The following PLEKHA3 variants were observed in gnomAD, a reference collection of about 807,000 sequenced individuals.
PLEKHA3 encodes pleckstrin homology domain containing A3.
PLEKHA3 carries 19 observed loss-of-function variants against 39.2 expected under a neutral mutation model. The ratio of observed to expected loss-of-function variants is 0.48; its 90% confidence interval spans 0.34 to 0.71. PLEKHA3 has a LOEUF of 0.71. PLEKHA3 is among the 30% of genes least tolerant of loss of function. PLEKHA3 has a pLI of 0.01. For synonymous variants in PLEKHA3, 97 were observed against 118.6 expected, an observed-to-expected ratio of 0.82 and a Z score of 1.18; for missense variants, 253 against 359.5, an observed-to-expected ratio of 0.70 and a Z score of 2.40.
Position 178,514,878 on chromosome 2 carries a change from G to A in PLEKHA3, c.*10991G>A, listed in dbSNP as rs1431549901. 4.6e-5 allele frequency: 7 copies of A among 151,988 alleles called. No homozygotes were observed. The highest frequency in any genetic ancestry group is 7.3e-5 in the African/African-American group (3 of 41,360). The allele number at this position is 151,988 out of a possible 1,614,324, so 9.4% of individuals were successfully genotyped here. On this transcript the variant is annotated 3_prime_UTR_variant, in exon 8 of 8. Transcript: ENST00000234453. ...CCCTCCATTCTCCTTGCCATATTTG[G>A]TTAATCTAGGCCATGACCTTTGAGG... is the stretch of plus-strand genomic sequence containing the variant.
chr2:178,495,981 T>C (rs1685437952), intron 5 of PLEKHA3, among the ~76,000 whole-genome samples: 1 of 152,186 alleles, frequency 6.6e-6, no homozygotes. Context: ...AGCTCTATTC[T>C]GCTTGGTAAG....
rs1685631466 is a variant in PLEKHA3, at chr2:178,508,053, GT to G, written c.*4167del. 343 of 12,478 alleles carry G rather than the reference GT, an allele frequency of 0.027. No individual in the cohort carries two copies. Among genetic ancestry groups the G allele is most frequent in the Middle Eastern group, 0.25 (2 of 8 alleles). The allele number at this position is 12,478 out of a possible 1,614,324, so 0.8% of individuals were successfully genotyped here. A position where few individuals can be genotyped will look rare whatever the true frequency, so the allele number is the denominator to read the frequency against. ...AGATTTGTCTGCTTCAGTTCTGGGTGTGTGTGTGTGTGTGTGTGTGTGTGTG... is the reference window on the plus strand; with the variant it reads ...AGATTTGTCTGCTTCAGTTCTGGGTGGTGTGTGTGTGTGTGTGTGTGTGTG... On this transcript the variant is annotated 3_prime_UTR_variant, in exon 8 of 8. Transcript: ENST00000234453.
intron 6 of PLEKHA3, among the ~76,000 whole-genome samples, chr2:178,499,932 TTAC>T (rs1027467168): frequency 8.5e-5 from 13 of 152,164 alleles, no homozygotes; most frequent in African/African-American, 3.1e-4. Flanking sequence ...AGGGCTCATT[TTAC>T]CTCAGCTGTT....
intron 2 of PLEKHA3, among the ~76,000 whole-genome samples, chr2:178,487,897 T>C (rs1685276666): frequency 6.6e-6 from 1 of 152,234 alleles, no homozygotes; most frequent in Non-Finnish European, 1.5e-5. Context: ...TTCTGGTGTT[T>C]GTAGTGGTAT....
Position 178,504,060 on chromosome 2 carries a change from A to G in PLEKHA3, c.*173A>G, listed in dbSNP as rs562891059. On this transcript the variant is annotated 3_prime_UTR_variant, in exon 8 of 8. Coordinates refer to ENST00000234453, the MANE Select transcript of PLEKHA3 (RefSeq NM_019091.4). ...CTTTTGAAGTGTATTTTATCTTTAT[A>G]TAGTTTGTTTGCAAGAGTATTTTCC... 297 of 582,484 alleles carry G rather than the reference A, an allele frequency of 5.1e-4. 5 individuals are homozygous for G. In the South Asian group the frequency reaches 6.3e-3, roughly 12 times the overall value. The allele number at this position is 582,484 out of a possible 1,614,324, so 36.1% of individuals were successfully genotyped here.
chr2:178,495,036 G>T (rs997153710), intron 4 of PLEKHA3, among the ~76,000 whole-genome samples: 2 of 151,630 alleles, frequency 1.3e-5, no homozygotes, highest in East Asian at 3.9e-4. Flanking sequence ...GGCACTTTGC[G>T]ATCCTGAACA....
In PLEKHA3 at chr2:178,507,186, G is replaced by A. The variant is rs181028267; in HGVS notation, c.*3299G>A. On this transcript the variant is annotated 3_prime_UTR_variant, in exon 8 of 8. Coordinates refer to ENST00000234453, the MANE Select transcript of PLEKHA3 (RefSeq NM_019091.4). ...TTATCAATTTCAGAAACAGTTTCTC[G>A]AATACCTTTTATGGTAGACAGGATT... 422 of 152,014 alleles carry A rather than the reference G, an allele frequency of 2.8e-3. 1 individual carries two copies. Among genetic ancestry groups the A allele is most frequent in the African/African-American group, 9.7e-3 (401 of 41,454 alleles). 9.4% of individuals were successfully genotyped at this position (152,014 alleles called of 1,614,324 possible). A position where few individuals can be genotyped will look rare whatever the true frequency, so the allele number is the denominator to read the frequency against.
chr2:178,489,116 C>G (rs1685303738), intron 2 of PLEKHA3: 1 of 329,720 alleles, frequency 3.0e-6, no homozygotes, highest in African/African-American at 2.2e-5. Context: ...GGTGCTTTCA[C>G]TAGTATTGGC....
intron 1 of PLEKHA3, among the ~76,000 whole-genome samples, 165 bp from the exon 2 acceptor site, chr2:178,485,476 A>G (rs1181211397): frequency 6.6e-6 from 1 of 152,216 alleles, no homozygotes; most frequent in Non-Finnish European, 1.5e-5. Flanking sequence ...GTGGAGACTG[A>G]TGCAAAAACA....
chr2:178,490,513 C>T, intron 2 of PLEKHA3, 146 bp from the exon 3 acceptor site: 2 of 756,156 alleles, frequency 2.6e-6, no homozygotes, highest in Non-Finnish European at 2.0e-6. Context: ...GGTGGCCCCT[C>T]AGGGAGCAGC....
chr2:178,482,044 A>G (rs1257831610), intron 1 of PLEKHA3: 1 of 153,778 alleles, frequency 6.5e-6, no homozygotes, highest in African/African-American at 2.4e-5. Flanking sequence ...TTAGAATGCT[A>G]AAGCCAGATT....
chr2:178,503,953 T>C lies in PLEKHA3; in HGVS notation c.*66T>C, dbSNP rs766294898. 1.2e-4 allele frequency: 184 copies of C among 1,568,546 alleles called. No homozygotes were observed. The highest frequency in any genetic ancestry group is 1.7e-4 in the Middle Eastern group (1 of 5,868). ...AAAAGCTGCTGTAATTAAACTATTG[T>C]TATAGGGAGTAGTTTTTTCCCTTAG... On this transcript the variant is annotated 3_prime_UTR_variant, in exon 8 of 8. Transcript: ENST00000234453.
Position 178,497,964 on chromosome 2 carries a change from TATTTATTTATATGAAAAACTTAC to T in PLEKHA3, c.616-1228_616-1206del, listed in dbSNP as rs1685473510. Among the ~76,000 whole-genome samples, 4 of 152,098 alleles carry T rather than the reference TATTTATTTATATGAAAAACTTAC, an allele frequency of 2.6e-5. No individual in the cohort carries two copies. In the South Asian group the frequency reaches 8.3e-4, roughly 32 times the overall value. ...TGTTTTTTTTTTAAATAACATTGTT[TATTTATTTATATGAAAAACTTAC>T]ATTTATTTATATGAAAAATAAAGCT... On this transcript the variant is annotated intron_variant, in intron 5 of 7. Transcript: ENST00000234453.
chr2:178,480,911 T>C lies in PLEKHA3; in HGVS notation c.40+2T>C. On this transcript the variant is annotated splice_donor_variant, in intron 1 of 7. Coordinates refer to ENST00000234453, the MANE Select transcript of PLEKHA3 (RefSeq NM_019091.4). LOFTEE classifies it high-confidence loss of function. ...ACAAGTGGACCAACTATCTCACAGG[T>C]ATGGGGGCTCGTGTGATGAGGGAAG... The C allele has an allele frequency of 3.1e-6, 4 of 1,310,318 alleles. No homozygotes were observed. The highest frequency in any genetic ancestry group is 3.9e-6 in the Non-Finnish European group (4 of 1,020,424). 81.2% of individuals were successfully genotyped at this position (1,310,318 alleles called of 1,614,324 possible). A position where few individuals can be genotyped will look rare whatever the true frequency, so the allele number is the denominator to read the frequency against.
At position 178,501,144 on chromosome 2, in the gene PLEKHA3, C is replaced by T. The variant is rs1685524205; in HGVS notation, c.743C>T (p.Ser248Phe). 6.2e-7 allele frequency: 1 copy of T among 1,613,014 alleles called. No homozygotes were observed. Among genetic ancestry groups the T allele is most frequent in the Non-Finnish European group, 8.5e-7 (1 of 1,179,298 alleles). ...CGAAGAACCTACTCAGATACAGATT[C>T]TTGTAGTGATATTCCTCTTGAAGAC... ...RRRRTYSDTDSCSDIPLEDPD... is the reference protein window; with the variant it reads ...RRRRTYSDTDFCSDIPLEDPD... Residue 248 changes from serine to phenylalanine, a missense_variant, in exon 7 of 8, where the codon TCT (serine) becomes TTT (phenylalanine). Around this residue, in one of 2 missense-constraint regions of PLEKHA3, gnomAD observed 127 missense variants for 136.8 expected, o/e 0.93. Coordinates refer to ENST00000234453, the MANE Select transcript of PLEKHA3 (RefSeq NM_019091.4).
rs1390976344 is a variant in PLEKHA3, at chr2:178,506,107, A to G, written c.*2220A>G. On this transcript the variant is annotated 3_prime_UTR_variant, in exon 8 of 8. Coordinates refer to ENST00000234453, the MANE Select transcript of PLEKHA3 (RefSeq NM_019091.4). The stretch of plus-strand genomic sequence containing the variant: ...GAATTTTAAGAAAAAGATGAACCAT[A>G]TAACAATTCTGTAAGAATTTTAGCT... 6.6e-6 allele frequency: 1 copy of G among 152,196 alleles called. No individual in the cohort carries two copies. The highest frequency in any genetic ancestry group is 1.9e-4 in the East Asian group (1 of 5,202). 9.4% of individuals were successfully genotyped at this position (152,196 alleles called of 1,614,324 possible).
intron 1 of PLEKHA3, among the ~76,000 whole-genome samples, chr2:178,483,036 T>G (rs982874039): frequency 2.0e-5 from 3 of 152,138 alleles, no homozygotes; most frequent in African/African-American, 7.2e-5. Context: ...GATAGGCAGA[T>G]AGCTTGAGGT....
intron 6 of PLEKHA3, 82 bp from the exon 7 acceptor site, chr2:178,500,979 G>T: frequency 1.2e-6 from 1 of 844,544 alleles, no homozygotes; most frequent in Non-Finnish European, 1.9e-6. Flanking sequence ...TTCACTTAAA[G>T]AGAAGTCATT....
rs1685603254 is a variant in PLEKHA3 at position 178,506,602 on chromosome 2, A to AT, written c.*2716dup. 2 of 152,180 alleles carry AT rather than the reference A, an allele frequency of 1.3e-5. No homozygotes were observed. Among genetic ancestry groups the AT allele is most frequent in the Non-Finnish European group, 2.9e-5 (2 of 68,028 alleles). The allele number at this position is 152,180 out of a possible 1,614,324, so 9.4% of individuals were successfully genotyped here. On this transcript the variant is annotated 3_prime_UTR_variant, in exon 8 of 8. Transcript: ENST00000234453. Reference sequence around the variant, plus strand: ...CATTTAGAAATGTAAAAATCACAAGATCTCAGGAAATGCGCCCTTGTGATA... The same window carrying AT: ...CATTTAGAAATGTAAAAATCACAAGATTCTCAGGAAATGCGCCCTTGTGATA...
Sources: gnomAD v4.1 joint callset for allele counts (sites outside exome capture counted in the v4.1 genomes callset) on GRCh38, gnomAD v4.1.1 for gene constraint, gnomAD v4.1.1 regional missense constraint, MANE v1.5 for transcripts, NCBI Gene and HGNC (gene_info 2026-07-23, HGNC 2026-07-21) for gene names.